HTR1F: variants seen among roughly 807,000 people sequenced by gnomAD.
HTR1F encodes the protein 5-hydroxytryptamine (serotonin) receptor 1F, G protein-coupled.
HTR1F carries 17 observed loss-of-function variants against 24.0 expected under a neutral mutation model. The observed-to-expected ratio is 0.71, with a 90% CI of 0.48 to 1.06. The LOEUF is 1.06. Ranked by LOEUF, HTR1F falls within the 50% of genes least tolerant of loss-of-function variation. The pLI is 0.00. For synonymous variants in HTR1F, 186 were observed against 156.8 expected (o/e 1.19, Z -1.39); for missense variants, 391 against 427.8 (o/e 0.91, Z 0.76).
intron 2 of HTR1F, among the ~76,000 whole-genome samples, chr3:87,967,417 T>C (rs1171667196): frequency 6.7e-6 from 1 of 150,162 alleles, no homozygotes; most frequent in Non-Finnish European, 1.5e-5. Flanking sequence ...GCCACTACAC[T>C]CCAGCCTGGG....
At chr3:87,826,133 T>C (rs909303318) in intron 2 of HTR1F, among the ~76,000 whole-genome samples, 1 of 152,198 alleles carries the variant, frequency 6.6e-6, no homozygotes, top group African/African-American at 2.4e-5. Flanking sequence ...AGAACCTGTC[T>C]GCAGAAACTC....
At chr3:87,937,881 G>T (rs1681170498) in intron 2 of HTR1F, among the ~76,000 whole-genome samples, 1 of 150,488 alleles carries the variant, frequency 6.6e-6, no homozygotes, top group Admixed American at 6.7e-5. Flanking sequence ...CCGAGATCGT[G>T]CCACTGCACT....
intron 2 of HTR1F, among the ~76,000 whole-genome samples, chr3:87,945,507 A>G (rs1331806713): frequency 1.3e-5 from 2 of 152,214 alleles, no homozygotes; most frequent in Admixed American, 1.3e-4. Flanking sequence ...ATGGGCGACT[A>G]TTGAGTAGAG....
intron 1 of HTR1F, among the ~76,000 whole-genome samples, chr3:87,815,763 G>A (rs895639651): frequency 1.3e-5 from 2 of 152,100 alleles, no homozygotes; most frequent in African/African-American, 4.8e-5. Flanking sequence ...GATTACTATA[G>A]ATGCCAACAG....
chr3:87,825,025 A>T (rs1316959399), intron 2 of HTR1F, among the ~76,000 whole-genome samples: 1 of 152,226 alleles, frequency 6.6e-6, no homozygotes, highest in Non-Finnish European at 1.5e-5. Context: ...TGATTATAAG[A>T]AGTATTATTA....
intron 1 of HTR1F, among the ~76,000 whole-genome samples, chr3:87,798,501 A>G (rs1319655607): frequency 2.6e-5 from 4 of 151,994 alleles, no homozygotes; most frequent in Non-Finnish European, 5.9e-5. Flanking sequence ...CCATAAAACC[A>G]GCAGAAAAAC....
chr3:87,934,954 C>T (rs1225459067), intron 2 of HTR1F, among the ~76,000 whole-genome samples: 2 of 152,148 alleles, frequency 1.3e-5, no homozygotes, highest in Admixed American at 6.5e-5. Context: ...CAGCCTTGAC[C>T]TTCTGGGCTC....
At chr3:87,802,033 T>TTCCC (rs1703997877) in intron 1 of HTR1F, among the ~76,000 whole-genome samples, 1 of 141,958 alleles carries the variant, frequency 7.0e-6, no homozygotes, top group Admixed American at 6.9e-5. Context: ...CCCTCCCTTC[T>TTCCC]TCCCTCCCTC....
chr3:87,798,060 C>T (rs1420095445), intron 1 of HTR1F, among the ~76,000 whole-genome samples: 1 of 152,168 alleles, frequency 6.6e-6, no homozygotes, highest in African/African-American at 2.4e-5. Context: ...GGGACAGTTG[C>T]ATGTACAATT....
chr3:87,948,828 A>G (rs1318220592), intron 2 of HTR1F, among the ~76,000 whole-genome samples: 1 of 152,126 alleles, frequency 6.6e-6, no homozygotes, highest in African/African-American at 2.4e-5. Flanking sequence ...CTATTCTGAG[A>G]AGACTTAATT....
intron 2 of HTR1F, among the ~76,000 whole-genome samples, chr3:87,880,835 C>A (rs1449931258): frequency 6.6e-6 from 1 of 152,108 alleles, no homozygotes; most frequent in East Asian, 1.9e-4. Context: ...GGATTTTCAA[C>A]GTAAACAGTT....
chr3:87,987,360 A>C (rs1705684678), intron 2 of HTR1F, among the ~76,000 whole-genome samples: 2 of 151,698 alleles, frequency 1.3e-5, no homozygotes, highest in Non-Finnish European at 2.9e-5. Context: ...AAATGTTTCA[A>C]GGGAAAATAG....
intron 2 of HTR1F, among the ~76,000 whole-genome samples, chr3:87,840,011 T>C (rs1374451516): frequency 6.6e-6 from 1 of 152,182 alleles, no homozygotes; most frequent in Non-Finnish European, 1.5e-5. Flanking sequence ...CTACCACCGA[T>C]GGACAGATGG....
At position 87,991,688 on chromosome 3, in the gene HTR1F, A is replaced by G. The variant is rs899591113; in HGVS notation, c.939A>G (p.Glu313=). 4 of 1,613,574 alleles carry G rather than the reference A, an allele frequency of 2.5e-6. No homozygotes were observed. Among genetic ancestry groups the G allele is most frequent in the Non-Finnish European group, 3.4e-6 (4 of 1,179,874 alleles). The change falls in exon 3 of 3, where the codon GAA becomes GAG. Residue 313 remains glutamate (E), a synonymous_variant. Transcript: ENST00000319595. ...VICWLPFFVK[E]LVVNVCDKCK... is the part of the protein sequence containing the mutation. ...GTTGGCTTCCTTTTTTTGTAAAAGAATTAGTTGTTAATGTCTGTGACAAAT... is the reference window on the plus strand; with the variant it reads ...GTTGGCTTCCTTTTTTTGTAAAAGAGTTAGTTGTTAATGTCTGTGACAAAT...
chr3:87,837,641 T>G (rs1021450965), intron 2 of HTR1F, among the ~76,000 whole-genome samples: 2 of 152,066 alleles, frequency 1.3e-5, no homozygotes, highest in African/African-American at 4.8e-5. Context: ...ACAGTAGAAA[T>G]AGATGAATAT....
chr3:87,797,463 T>G (rs1703924445), intron 1 of HTR1F, among the ~76,000 whole-genome samples: 1 of 152,082 alleles, frequency 6.6e-6, no homozygotes, highest in Admixed American at 6.5e-5. Context: ...ACAGAACAAA[T>G]CAAAATGAGC....
intron 1 of HTR1F, among the ~76,000 whole-genome samples, chr3:87,815,415 G>A (rs1371952773): frequency 6.6e-6 from 1 of 151,964 alleles, no homozygotes; most frequent in Non-Finnish European, 1.5e-5. Flanking sequence ...TACTAGCTTG[G>A]TACTAGGTTA....
intron 2 of HTR1F, among the ~76,000 whole-genome samples, chr3:87,860,516 T>C (rs552504845): frequency 3.3e-5 from 5 of 152,314 alleles, no homozygotes; most frequent in African/African-American, 1.2e-4. Context: ...CTATGAATTG[T>C]TATTATTTTC....
chr3:87,924,456 G>A (rs180695301), intron 2 of HTR1F, among the ~76,000 whole-genome samples: 1 of 151,986 alleles, frequency 6.6e-6, no homozygotes, highest in African/African-American at 2.4e-5. Flanking sequence ...TTGTATGTCT[G>A]TTCTACCAGT....
Sources: allele counts gnomAD v4.1 joint callset (sites outside exome capture counted in the v4.1 genomes callset), GRCh38; gene constraint gnomAD v4.1.1; transcripts MANE v1.5; gene names NCBI Gene and HGNC (gene_info 2026-07-23, HGNC 2026-07-21).